Variants in HCK observed in about 807,000 individuals in gnomAD.
HCK encodes the protein tyrosine-protein kinase HCK.
A neutral mutation model predicts 70.4 loss-of-function variants in HCK; 40 were observed. The observed-to-expected ratio is 0.57, with a 90% confidence interval of 0.44 to 0.74. The LOEUF is 0.74. Among genes scored for constraint, HCK ranks in the 30% least tolerant of loss-of-function variants. The pLI is 0.00. For synonymous variants in HCK, 245 were observed against 263.2 expected, an observed-to-expected ratio of 0.93 and a Z score of 0.67; for missense variants, 568 against 697.2, an observed-to-expected ratio of 0.81 and a Z score of 2.09.
intron 1 of HCK, among the ~76,000 whole-genome samples, chr20:32,060,101 G>A (rs1600705897): frequency 3.3e-5 from 5 of 152,106 alleles, no homozygotes; most frequent in Non-Finnish European, 7.3e-5. Flanking sequence ...CTGTCTGGAG[G>A]GGGAAACTTC....
chr20:32,091,745 G>T (rs1041931983), intron 10 of HCK, among the ~76,000 whole-genome samples: 1 of 151,914 alleles, frequency 6.6e-6, no homozygotes, highest in Admixed American at 6.6e-5. Context: ...CAGCACTTTG[G>T]GAAGCTGAAG....
At chr20:32,094,757 GAA>G (rs1569009846) in intron 11 of HCK, among the ~76,000 whole-genome samples, 6 of 124,628 alleles carry the variant, frequency 4.8e-5, no homozygotes, top group East Asian at 2.1e-4. Context: ...AAGAAAGAAA[GAA>G]AGAAGGAAAG....
chr20:32,089,264 C>T (rs1227987549), intron 10 of HCK, among the ~76,000 whole-genome samples: 2 of 152,216 alleles, frequency 1.3e-5, no homozygotes, highest in African/African-American at 4.8e-5. Flanking sequence ...GGACACAAAT[C>T]CCAGGGACCC....
intron 1 of HCK, among the ~76,000 whole-genome samples, chr20:32,053,015 G>C (rs1371395925): frequency 3.3e-5 from 5 of 152,070 alleles, no homozygotes; most frequent in African/African-American, 1.2e-4. Context: ...AACAGGTCTA[G>C]GTCAAACCCC....
chr20:32,082,240 A>T (rs1007899119), intron 6 of HCK, among the ~76,000 whole-genome samples: 3 of 152,126 alleles, frequency 2.0e-5, no homozygotes, highest in Non-Finnish European at 2.9e-5. Flanking sequence ...ATTATAATTT[A>T]TATAGTTATA....
intron 12 of HCK, among the ~76,000 whole-genome samples, chr20:32,100,844 G>A (rs2046023248): frequency 6.6e-6 from 1 of 152,192 alleles, no homozygotes; most frequent in Non-Finnish European, 1.5e-5. Flanking sequence ...TCCACAGCAA[G>A]CAACAAAATA....
At chr20:32,067,072 C>T (rs375705652) in intron 1 of HCK, among the ~76,000 whole-genome samples, 2 of 152,154 alleles carry the variant, frequency 1.3e-5, no homozygotes, top group African/African-American at 4.8e-5. Context: ...CTAACATACA[C>T]GTAGGCACAT....
chr20:32,075,828 T>C (rs1600722997), intron 5 of HCK, among the ~76,000 whole-genome samples: 1 of 152,202 alleles, frequency 6.6e-6, no homozygotes, highest in South Asian at 2.1e-4. Flanking sequence ...CTCTGTATGG[T>C]GGATGAGGTT....
chr20:32,080,502 T>C (rs1253618342), intron 6 of HCK, among the ~76,000 whole-genome samples: 1 of 152,114 alleles, frequency 6.6e-6, no homozygotes, highest in African/African-American at 2.4e-5. Flanking sequence ...TGGCCTGTTT[T>C]GTTTTGTTTG....
chr20:32,098,428 C>T (rs1458127421), intron 11 of HCK, among the ~76,000 whole-genome samples: 1 of 151,806 alleles, frequency 6.6e-6, no homozygotes, highest in Non-Finnish European at 1.5e-5. Flanking sequence ...GTCAGGAGTT[C>T]GAGGCTTCAG....
intron 9 of HCK, 122 bp downstream of exon 9, chr20:32,086,929 A>T: frequency 1.2e-6 from 1 of 822,078 alleles, no homozygotes; most frequent in Non-Finnish European, 1.8e-6. Flanking sequence ...GAGCTCTTCC[A>T]ACAAGTACTC....
At chr20:32,074,854 C>T (rs1471767788) in intron 5 of HCK, 133 bp downstream of exon 5, 1 of 627,432 alleles carries the variant, frequency 1.6e-6, no homozygotes, top group South Asian at 1.9e-5. Flanking sequence ...TTGGCTGGCT[C>T]CTTCTCTTCC....
At chr20:32,060,831 C>A (rs1017608040) in intron 1 of HCK, among the ~76,000 whole-genome samples, 1 of 151,942 alleles carries the variant, frequency 6.6e-6, no homozygotes, top group Non-Finnish European at 1.5e-5. Flanking sequence ...GGGAAGAAAC[C>A]AGGAGAGGAC....
At chr20:32,058,405 G>A (rs569919696) in intron 1 of HCK, among the ~76,000 whole-genome samples, 7 of 151,936 alleles carry the variant, frequency 4.6e-5, no homozygotes, top group South Asian at 4.2e-4. Context: ...GGTGGCGGGC[G>A]CCTGTAATTT....
At chr20:32,090,102 G>T (rs1480967753) in intron 10 of HCK, among the ~76,000 whole-genome samples, 1 of 152,230 alleles carries the variant, frequency 6.6e-6, no homozygotes, top group African/African-American at 2.4e-5. Context: ...AATGCCAGAG[G>T]CATATGGAAA....
intron 1 of HCK, among the ~76,000 whole-genome samples, chr20:32,059,716 A>G (rs2045338761): frequency 6.6e-6 from 1 of 151,978 alleles, no homozygotes; most frequent in Admixed American, 6.6e-5. Flanking sequence ...GGGTCTTGCC[A>G]TGTTGCCCAG....
chr20:32,058,343 C>T (rs1250236996), intron 1 of HCK, among the ~76,000 whole-genome samples: 7 of 151,968 alleles, frequency 4.6e-5, no homozygotes, highest in Non-Finnish European at 8.8e-5. Context: ...ACCAGCCTGG[C>T]CAACATGGTG....
At position 32,101,579 on chromosome 20, in the gene HCK, C is replaced by T. The variant is rs2046036395; in HGVS notation, c.*60C>T. On this transcript the variant is annotated 3_prime_UTR_variant, in exon 13 of 13. Coordinates refer to ENST00000375852, the MANE Select transcript of HCK (RefSeq NM_002110.5). ...GGTGGTGGCTGCAAGGTGGCTCCAG[C>T]ACCATCCGCCAGGGCCCACACCCCC... 7.0e-7 allele frequency: 1 copy of T among 1,423,002 alleles called. No homozygotes were observed. Among genetic ancestry groups the T allele is most frequent in the Non-Finnish European group, 9.7e-7 (1 of 1,033,316 alleles). 88.1% of individuals were successfully genotyped at this position (1,423,002 alleles called of 1,614,324 possible).
intron 1 of HCK, among the ~76,000 whole-genome samples, chr20:32,063,453 G>T (rs922833556): frequency 5.3e-5 from 8 of 151,878 alleles, no homozygotes; most frequent in African/African-American, 1.9e-4. Flanking sequence ...TCGATATGTT[G>T]TCAGGACCAG....
Sources: gnomAD v4.1 joint callset for allele counts (sites outside exome capture counted in the v4.1 genomes callset) on GRCh38, gnomAD v4.1.1 for gene constraint, MANE v1.5 for transcripts, NCBI Gene and HGNC (gene_info 2026-07-23, HGNC 2026-07-21) for gene names.